DDX10: variants seen among roughly 807,000 people sequenced by gnomAD.
DDX10 encodes the protein probable ATP-dependent RNA helicase DDX10.
DDX10 carries 74 observed loss-of-function variants against 104.3 expected under a neutral mutation model. That is an observed-to-expected ratio of 0.71 (90% CI 0.59 to 0.86). The LOEUF (loss-of-function observed/expected upper bound fraction) is 0.86, where lower values mean the gene tolerates loss of function less well. DDX10 is among the 40% of genes least tolerant of loss of function. DDX10 has a pLI of 0.00. For synonymous variants in DDX10, 351 were observed against 353.4 expected (o/e 0.99, Z 0.08); for missense variants, 952 against 1,040.0 (o/e 0.92, Z 1.16).
chr11:108,866,239 A>G (rs1863006683), intron 16 of DDX10, among the ~76,000 whole-genome samples: 1 of 152,322 alleles, frequency 6.6e-6, no homozygotes, highest in Middle Eastern at 3.4e-3. Flanking sequence ...AAAAGCAGCT[A>G]GGAAAACTGG....
intron 16 of DDX10, among the ~76,000 whole-genome samples, chr11:108,889,899 A>G (rs1424217174): frequency 6.6e-6 from 1 of 152,256 alleles, no homozygotes; most frequent in Non-Finnish European, 1.5e-5. Context: ...GCAATGCAAC[A>G]TACCAATTCT....
rs545446672 is a variant in DDX10, at chr11:108,851,875, C to T, written c.2248-278C>T. Reference sequence around the variant, plus strand: ...TTGTATAATTGTACATTATGTTTTACCTGTCCTGTTAGTGTGTGTTTTATT... The same window carrying T: ...TTGTATAATTGTACATTATGTTTTATCTGTCCTGTTAGTGTGTGTTTTATT... On this transcript the variant is annotated intron_variant, in intron 15 of 17. Transcript: ENST00000322536. 1.6e-4 allele frequency among the ~76,000 whole-genome samples: 24 copies of T among 152,142 alleles called. No individual in the cohort carries two copies. The South Asian group carries it at 1.9e-3, about 12-fold the overall frequency.
At chr11:108,773,700 T>C (rs1334415651) in intron 13 of DDX10, among the ~76,000 whole-genome samples, 1 of 152,170 alleles carries the variant, frequency 6.6e-6, no homozygotes, top group Non-Finnish European at 1.5e-5. Flanking sequence ...GGCATTAGTC[T>C]ATTTACAGCC....
intron 13 of DDX10, 60 bp from the exon 14 acceptor site, chr11:108,838,386 T>C (rs1862585756): frequency 5.8e-6 from 9 of 1,551,420 alleles, no homozygotes; most frequent in South Asian, 1.2e-5. Flanking sequence ...CAGAGTTGGA[T>C]TGTTAATATA....
chr11:108,815,392 C>T (rs924763366), intron 13 of DDX10, among the ~76,000 whole-genome samples: 13 of 152,070 alleles, frequency 8.5e-5, no homozygotes, highest in African/African-American at 3.1e-4. Context: ...AATCTGTGCA[C>T]ACTCAAGTTC....
intron 13 of DDX10, among the ~76,000 whole-genome samples, chr11:108,814,882 C>G (rs1273435960): frequency 6.6e-6 from 1 of 152,098 alleles, no homozygotes; most frequent in Non-Finnish European, 1.5e-5. Context: ...TCCCAAGAAA[C>G]TGACAGTTTA....
intron 11 of DDX10, among the ~76,000 whole-genome samples, chr11:108,718,396 A>C (rs925989288): frequency 6.6e-6 from 1 of 152,210 alleles, no homozygotes; most frequent in Admixed American, 6.5e-5. Flanking sequence ...CATTTTTCTT[A>C]AAAATGAATA....
chr11:108,694,193 T>G (rs984552817), intron 9 of DDX10, among the ~76,000 whole-genome samples: 1 of 152,230 alleles, frequency 6.6e-6, no homozygotes, highest in Non-Finnish European at 1.5e-5. Context: ...TAATATTTTT[T>G]GGGCCTTGGT....
At chr11:108,746,938 A>G (rs2094332563) in intron 13 of DDX10, among the ~76,000 whole-genome samples, 1 of 152,180 alleles carries the variant, frequency 6.6e-6, no homozygotes, top group African/African-American at 2.4e-5. Flanking sequence ...TATGAGGATA[A>G]GACTTGAATC....
chr11:108,742,891 T>C (rs938258866), intron 13 of DDX10, among the ~76,000 whole-genome samples: 4 of 152,060 alleles, frequency 2.6e-5, no homozygotes, highest in African/African-American at 4.8e-5. Context: ...ACTGAATCAG[T>C]AATAAAAAGT....
chr11:108,880,039 G>A (rs1026049511), intron 16 of DDX10, among the ~76,000 whole-genome samples: 15 of 152,148 alleles, frequency 9.9e-5, no homozygotes, highest in African/African-American at 3.6e-4. Flanking sequence ...TACTTTCTTA[G>A]CATTTGTATT....
intron 16 of DDX10, among the ~76,000 whole-genome samples, chr11:108,895,192 T>G (rs1436401095): frequency 6.6e-6 from 1 of 151,970 alleles, no homozygotes. Context: ...TTTTAAAAGG[T>G]GTAGGTATTC....
intron 16 of DDX10, among the ~76,000 whole-genome samples, chr11:108,909,710 G>A (rs1476585839): frequency 6.6e-6 from 1 of 152,158 alleles, no homozygotes; most frequent in Non-Finnish European, 1.5e-5. Context: ...TTGACCTGTG[G>A]GATCTGTGTT....
chr11:108,693,413 T>C, intron 8 of DDX10, 103 bp from the exon 9 acceptor site: 1 of 814,744 alleles, frequency 1.2e-6, no homozygotes, highest in Non-Finnish European at 2.2e-6. Context: ...ATCCATCAGT[T>C]TGATGTGATG....
At chr11:108,748,383 A>G (rs967525576) in intron 13 of DDX10, among the ~76,000 whole-genome samples, 47 of 152,208 alleles carry the variant, frequency 3.1e-4, no homozygotes, top group African/African-American at 9.9e-4. Flanking sequence ...TAAGAAATCA[A>G]TAGACATTGA....
chr11:108,920,804 GT>G (rs555196583), intron 17 of DDX10: 2,768 of 152,260 alleles, frequency 0.018, 45 homozygotes, highest in Non-Finnish European at 0.027. Flanking sequence ...ATAGTTTTTT[GT>G]TTGAGAAAGG....
At chr11:108,797,885 C>T (rs118080514) in intron 13 of DDX10, among the ~76,000 whole-genome samples, 3 of 152,158 alleles carry the variant, frequency 2.0e-5, no homozygotes, top group African/African-American at 7.2e-5. Flanking sequence ...AGTTTGTTGC[C>T]CCTTTATTTG....
chr11:108,823,918 G>T (rs1862360343), intron 13 of DDX10, among the ~76,000 whole-genome samples: 1 of 152,164 alleles, frequency 6.6e-6, no homozygotes, highest in African/African-American at 2.4e-5. Flanking sequence ...CTAGCTACTG[G>T]CACATTCTTG....
intron 6 of DDX10, among the ~76,000 whole-genome samples, chr11:108,682,627 C>T (rs548358032): frequency 6.6e-6 from 1 of 151,966 alleles, no homozygotes; most frequent in Non-Finnish European, 1.5e-5. Flanking sequence ...ACCTTTGTGT[C>T]TTCATTGTTA....
Sources: gnomAD v4.1 joint callset for allele counts (sites outside exome capture counted in the v4.1 genomes callset) on GRCh38, gnomAD v4.1.1 for gene constraint, MANE v1.5 for transcripts, NCBI Gene and HGNC (gene_info 2026-07-23, HGNC 2026-07-21) for gene names.